The following ZFAND3 variants were observed in gnomAD, a reference collection of about 807,000 sequenced individuals.
The protein encoded by ZFAND3 is zinc finger AN1-type containing 3, also known as AN1-type zinc finger protein 3.
A neutral mutation model predicts 29.6 loss-of-function variants in ZFAND3; 10 were observed. The ratio of observed to expected loss-of-function variants is 0.34; its 90% CI spans 0.21 to 0.57. ZFAND3 has a LOEUF of 0.57. ZFAND3 is among the 20% of genes least tolerant of loss of function. The probability of loss-of-function intolerance (pLI) is 0.86; values close to 1 mark genes in which losing one functional copy is unlikely to be tolerated. For synonymous variants in ZFAND3, 128 were observed against 112.6 expected (o/e 1.14, Z -0.87); for missense variants, 230 against 304.5 (o/e 0.76, Z 1.82).
At chr6:37,956,788 A>G (rs1762092174) in intron 2 of ZFAND3, among the ~76,000 whole-genome samples, 1 of 152,210 alleles carries the variant, frequency 6.6e-6, no homozygotes, top group South Asian at 2.1e-4. Context: ...TAATTGAGGC[A>G]CTTACATCTG....
intron 2 of ZFAND3, among the ~76,000 whole-genome samples, chr6:38,040,686 T>C (rs562920955): frequency 1.3e-5 from 2 of 152,374 alleles, no homozygotes; most frequent in African/African-American, 4.8e-5. Context: ...CCATTTGTTT[T>C]ATTCTGTATG....
chr6:38,007,171 G>A (rs1412303841), intron 2 of ZFAND3, among the ~76,000 whole-genome samples: 1 of 152,050 alleles, frequency 6.6e-6, no homozygotes, highest in African/African-American at 2.4e-5. Flanking sequence ...TAACAATATA[G>A]CATATATTTA....
At chr6:37,870,622 C>T (rs932711035) in intron 1 of ZFAND3, among the ~76,000 whole-genome samples, 5 of 139,272 alleles carry the variant, frequency 3.6e-5, no homozygotes, top group African/African-American at 1.3e-4. Flanking sequence ...AAAAAAAGAG[C>T]ACTTAACATG....
intron 2 of ZFAND3, among the ~76,000 whole-genome samples, chr6:37,935,546 C>T (rs1761683022): frequency 6.6e-6 from 1 of 152,028 alleles, no homozygotes; most frequent in Non-Finnish European, 1.5e-5. Flanking sequence ...TTTAATGGGT[C>T]ATGATTAGTA....
intron 1 of ZFAND3, among the ~76,000 whole-genome samples, chr6:37,910,986 TA>T (rs1765510676): frequency 1.3e-5 from 2 of 152,220 alleles, no homozygotes; most frequent in South Asian, 4.1e-4. Flanking sequence ...CTATTGTGAA[TA>T]ATGCTGCAGT....
chr6:38,133,475 C>T (rs1272225625), intron 5 of ZFAND3, among the ~76,000 whole-genome samples: 1 of 152,102 alleles, frequency 6.6e-6, no homozygotes, highest in Non-Finnish European at 1.5e-5. Flanking sequence ...CAAGGCCGGG[C>T]GCGGTGGCTC....
chr6:38,020,133 A>G (rs1763321746), intron 2 of ZFAND3, among the ~76,000 whole-genome samples: 2 of 152,226 alleles, frequency 1.3e-5, no homozygotes, highest in Admixed American at 6.5e-5. Flanking sequence ...TTTGTTACCT[A>G]ACTGCTGTGT....
chr6:37,838,282 T>C (rs1159328693), intron 1 of ZFAND3, among the ~76,000 whole-genome samples: 1 of 152,256 alleles, frequency 6.6e-6, no homozygotes, highest in Admixed American at 6.5e-5. Context: ...CCTCAAATTT[T>C]TTTTTGCTTA....
chr6:37,955,320 G>A (rs78606940), intron 2 of ZFAND3, among the ~76,000 whole-genome samples: 10,387 of 152,210 alleles, frequency 0.068, 427 homozygotes, highest in Non-Finnish European at 0.087. Flanking sequence ...CTTTATTAAA[G>A]TTAGTAGGAA....
At chr6:38,035,645 C>G (rs1482282273) in intron 2 of ZFAND3, among the ~76,000 whole-genome samples, 2 of 152,114 alleles carry the variant, frequency 1.3e-5, no homozygotes, top group Non-Finnish European at 2.9e-5. Flanking sequence ...CCTGCCTTTT[C>G]TTTTTCTGTA....
chr6:37,857,704 A>T (rs1764410272), intron 1 of ZFAND3, among the ~76,000 whole-genome samples: 1 of 152,186 alleles, frequency 6.6e-6, no homozygotes, highest in Non-Finnish European at 1.5e-5. Flanking sequence ...CAGTAAGAGA[A>T]AATTGTAGGT....
chr6:38,055,215 A>T (rs1764110476), intron 2 of ZFAND3, among the ~76,000 whole-genome samples: 1 of 152,190 alleles, frequency 6.6e-6, no homozygotes, highest in South Asian at 2.1e-4. Context: ...ACTACTTGAA[A>T]CATGAAGTAT....
At chr6:37,891,007 C>T (rs998360199) in intron 1 of ZFAND3, among the ~76,000 whole-genome samples, 1 of 152,144 alleles carries the variant, frequency 6.6e-6, no homozygotes, top group East Asian at 1.9e-4. Flanking sequence ...ATAGTCAAAG[C>T]GTTATAGTAA....
At chr6:37,896,514 T>C (rs923000646) in intron 1 of ZFAND3, among the ~76,000 whole-genome samples, 158 of 109,178 alleles carry the variant, frequency 1.4e-3, no homozygotes, top group African/African-American at 5.6e-3. Flanking sequence ...TTCCTCTTTC[T>C]TTTCTTTCTT....
At position 37,933,621 on chromosome 6, in the gene ZFAND3, C is replaced by G. The variant is rs144485016; in HGVS notation, c.112+3622C>G. Among the ~76,000 whole-genome samples the G allele has an allele frequency of 9.6e-4, 146 of 152,252 alleles. 2 individuals are homozygous for G. The highest frequency in any genetic ancestry group is 9.1e-3 in the Admixed American group (139 of 15,298). On this transcript the variant is annotated intron_variant, in intron 2 of 5. Coordinates refer to ENST00000287218, the MANE Select transcript of ZFAND3 (RefSeq NM_021943.3). Reference sequence around the variant, plus strand: ...AACTATATACCAAATTATAATGCTTCTGTGTATTGTTAGAATGAGAAATGT... The same window carrying G: ...AACTATATACCAAATTATAATGCTTGTGTGTATTGTTAGAATGAGAAATGT...
At chr6:37,938,988 C>T (rs964716505) in intron 2 of ZFAND3, among the ~76,000 whole-genome samples, 12 of 152,136 alleles carry the variant, frequency 7.9e-5, no homozygotes, top group African/African-American at 2.9e-4. Flanking sequence ...TTTCTTCCCT[C>T]TTGTTGGTCT....
At chr6:38,027,896 A>G (rs188457483) in intron 2 of ZFAND3, among the ~76,000 whole-genome samples, 103 of 152,354 alleles carry the variant, frequency 6.8e-4, no homozygotes, top group African/African-American at 2.3e-3. Context: ...CTGCCCTGCT[A>G]TGGAGCCTTT....
chr6:38,027,189 G>T (rs999209711), intron 2 of ZFAND3, among the ~76,000 whole-genome samples: 1 of 152,186 alleles, frequency 6.6e-6, no homozygotes, highest in East Asian at 1.9e-4. Context: ...GAATAGTTAC[G>T]AGAGTAGATG....
At chr6:38,093,124 T>C (rs547924469) in intron 4 of ZFAND3, among the ~76,000 whole-genome samples, 6 of 152,290 alleles carry the variant, frequency 3.9e-5, no homozygotes, top group East Asian at 1.9e-4. Context: ...TGTAAATAGG[T>C]TTTTCCTTTT....
Sources: allele counts gnomAD v4.1 joint callset (sites outside exome capture counted in the v4.1 genomes callset), GRCh38; gene constraint gnomAD v4.1.1; transcripts MANE v1.5; gene names NCBI Gene and HGNC (gene_info 2026-07-23, HGNC 2026-07-21).